The following RORA variants were observed in gnomAD, a reference collection of about 807,000 sequenced individuals.
RORA encodes RAR related orphan receptor A.
RORA carries 7 observed loss-of-function variants against 69.5 expected under a neutral mutation model. The observed-to-expected ratio is 0.10, with a 90% CI of 0.06 to 0.19. RORA has a LOEUF of 0.19. Among genes scored for constraint, RORA ranks in the 10% least tolerant of loss-of-function variants. RORA has a pLI of 1.00. For missense variants in RORA, 457 were observed against 663.0 expected (o/e 0.69, Z 3.41); for synonymous variants, 261 against 240.8 (o/e 1.08, Z -0.78).
At chr15:60,896,252 C>T (rs572167222) in intron 1 of RORA, among the ~76,000 whole-genome samples, 1 of 152,234 alleles carries the variant, frequency 6.6e-6, no homozygotes, top group Non-Finnish European at 1.5e-5. Context: ...TCTTCTTTGT[C>T]TGCCCAAGCC....
intron 1 of RORA, among the ~76,000 whole-genome samples, chr15:60,819,808 A>C (rs2072870177): frequency 7.3e-6 from 1 of 137,550 alleles, no homozygotes. Flanking sequence ...TTGCTTTTTC[A>C]TGGGTGGAAC....
intron 1 of RORA, among the ~76,000 whole-genome samples, chr15:60,790,964 C>T (rs1304502631): frequency 4.6e-5 from 7 of 151,064 alleles, no homozygotes; most frequent in Non-Finnish European, 1.0e-4. Flanking sequence ...CCTAGAAACG[C>T]CCCCCCATTG....
intron 1 of RORA, among the ~76,000 whole-genome samples, chr15:61,155,088 CAAG>C (rs1167909544): frequency 2.0e-5 from 3 of 152,066 alleles, no homozygotes; most frequent in African/African-American, 2.4e-5. Context: ...TTCAAGACAG[CAAG>C]AAGATTTTAA....
intron 2 of RORA, among the ~76,000 whole-genome samples, chr15:60,652,803 T>A (rs2070163962): frequency 6.6e-6 from 1 of 152,214 alleles, no homozygotes; most frequent in African/African-American, 2.4e-5. Context: ...TAAGTTTTAA[T>A]TAGTTCCCGC....
chr15:61,107,678 T>G (rs1396331369), intron 1 of RORA, among the ~76,000 whole-genome samples: 1 of 151,972 alleles, frequency 6.6e-6, no homozygotes, highest in Non-Finnish European at 1.5e-5. Flanking sequence ...TGTTTGCTGG[T>G]CATGGTCTCA....
intron 2 of RORA, among the ~76,000 whole-genome samples, chr15:60,647,143 T>C (rs1298936189): frequency 1.3e-5 from 2 of 152,210 alleles, no homozygotes; most frequent in Non-Finnish European, 1.5e-5. Context: ...CCTGCTAACT[T>C]TCTGGGTATA....
chr15:60,836,428 C>T (rs1221032175), intron 1 of RORA, among the ~76,000 whole-genome samples: 2 of 152,118 alleles, frequency 1.3e-5, no homozygotes, highest in Non-Finnish European at 2.9e-5. Flanking sequence ...TTGCCACAGA[C>T]TCCTCCCTCT....
chr15:60,887,186 GA>G (rs1218093272), intron 1 of RORA, among the ~76,000 whole-genome samples: 1 of 151,104 alleles, frequency 6.6e-6, no homozygotes, highest in African/African-American at 2.4e-5. Flanking sequence ...GTTGGAATTA[GA>G]AAAAAAAGGT....
chr15:61,066,561 G>A (rs1486949798), intron 1 of RORA, among the ~76,000 whole-genome samples: 2 of 151,434 alleles, frequency 1.3e-5, no homozygotes, highest in Non-Finnish European at 2.9e-5. Context: ...CGAGTAGCTG[G>A]GATTACAGGC....
At chr15:60,880,407 G>A (rs776716795) in intron 1 of RORA, among the ~76,000 whole-genome samples, 26 of 152,184 alleles carry the variant, frequency 1.7e-4, no homozygotes, top group African/African-American at 4.1e-4. Context: ...TTGGGAGGCC[G>A]AGGCGGGCAG....
intron 1 of RORA, among the ~76,000 whole-genome samples, chr15:60,902,398 G>A (rs1891417410): frequency 6.6e-6 from 1 of 152,036 alleles, no homozygotes. Context: ...ATGAAGACAG[G>A]ACCCTCCATC....
At chr15:60,826,761 CTCTCCCTCT>C (rs1567204732) in intron 1 of RORA, among the ~76,000 whole-genome samples, 4 of 95,060 alleles carry the variant, frequency 4.2e-5, no homozygotes, top group Non-Finnish European at 1.1e-4. Flanking sequence ...CTCTCTCTCT[CTCTCCCTCT>C]CTCTCTCTCT....
chr15:60,867,277 A>C (rs1181730770), intron 1 of RORA, among the ~76,000 whole-genome samples: 1 of 152,170 alleles, frequency 6.6e-6, no homozygotes, highest in Non-Finnish European at 1.5e-5. Context: ...GCAACTTCGA[A>C]ATTATAGCTG....
chr15:60,949,573 C>T (rs1323064661), intron 1 of RORA, among the ~76,000 whole-genome samples: 2 of 152,176 alleles, frequency 1.3e-5, no homozygotes, highest in South Asian at 2.1e-4. Flanking sequence ...GTCGTAGCCT[C>T]GTCTGAACTC....
At chr15:60,745,884 G>T (rs2071640643) in intron 1 of RORA, among the ~76,000 whole-genome samples, 1 of 152,080 alleles carries the variant, frequency 6.6e-6, no homozygotes, top group African/African-American at 2.4e-5. Flanking sequence ...ATGCCGCTGG[G>T]TCTTTTAAAG....
intron 2 of RORA, among the ~76,000 whole-genome samples, chr15:60,586,941 A>T (rs1436905481): frequency 6.6e-6 from 1 of 152,190 alleles, no homozygotes; most frequent in Non-Finnish European, 1.5e-5. Flanking sequence ...ACGATTTCTC[A>T]AGAATAGATC....
intron 1 of RORA, among the ~76,000 whole-genome samples, chr15:61,178,311 G>T (rs868768263): frequency 2.6e-5 from 4 of 152,236 alleles, no homozygotes; most frequent in Middle Eastern, 3.4e-3. Context: ...AGAAGGCAAG[G>T]AAAATTGAAT....
intron 1 of RORA, among the ~76,000 whole-genome samples, chr15:60,883,130 C>CAAAAAAAAAAAA (rs60074751): frequency 2.3e-5 from 1 of 43,116 alleles, no homozygotes; most frequent in Non-Finnish European, 3.8e-5. Context: ...GACATCGTCT[C>CAAAAAAAAAAAA]AAAAAAAAAA....
At chr15:60,721,551 T>C (rs2071293753) in intron 1 of RORA, among the ~76,000 whole-genome samples, 2 of 152,260 alleles carry the variant, frequency 1.3e-5, no homozygotes, top group Non-Finnish European at 2.9e-5. Context: ...CAGTATGAAG[T>C]GCCGTGGGGC....
Sources: gnomAD v4.1 joint callset for allele counts (sites outside exome capture counted in the v4.1 genomes callset) on GRCh38, gnomAD v4.1.1 for gene constraint, MANE v1.5 for transcripts, NCBI Gene and HGNC (gene_info 2026-07-23, HGNC 2026-07-21) for gene names.